The following CADPS2 variants were observed in gnomAD, a reference collection of about 807,000 sequenced individuals.
CADPS2 encodes calcium-dependent secretion activator 2.
CADPS2 carries 93 observed loss-of-function variants against 172.5 expected under a neutral mutation model. The observed-to-expected ratio is 0.54, with a 90% CI of 0.46 to 0.64. The LOEUF (loss-of-function observed/expected upper bound fraction) is 0.64, where lower values mean the gene tolerates loss of function less well. Among genes scored for constraint, CADPS2 ranks in the 30% least tolerant of loss-of-function variants. The pLI is 0.00. For synonymous variants in CADPS2, 546 were observed against 555.2 expected (o/e 0.98, Z 0.23); for missense variants, 1,420 against 1,565.9 (o/e 0.91, Z 1.57).
At chr7:122,858,443 A>G (rs2141241949) in intron 1 of CADPS2, among the ~76,000 whole-genome samples, 1 of 152,330 alleles carries the variant, frequency 6.6e-6, no homozygotes, top group South Asian at 2.1e-4. Context: ...AAGGATTTAG[A>G]GGCACAAAAG....
chr7:122,610,988 A>AT (rs1315719184), intron 6 of CADPS2, among the ~76,000 whole-genome samples: 1 of 152,150 alleles, frequency 6.6e-6, no homozygotes, highest in Non-Finnish European at 1.5e-5. Flanking sequence ...CAGAAACAAA[A>AT]TATTTTGCTG....
chr7:122,435,024 T>C (rs58891896), intron 17 of CADPS2, among the ~76,000 whole-genome samples: 6,581 of 152,220 alleles, frequency 0.043, 331 homozygotes, highest in African/African-American at 0.12. Flanking sequence ...ATCAAAAATA[T>C]TGCTGAATTT....
intron 3 of CADPS2, among the ~76,000 whole-genome samples, chr7:122,647,736 C>T (rs2078715052): frequency 6.6e-6 from 1 of 152,134 alleles, no homozygotes; most frequent in Non-Finnish European, 1.5e-5. Flanking sequence ...ACAGCCTTTT[C>T]AAAATGCTTT....
At chr7:122,538,955 TA>T (rs1161927370) in intron 8 of CADPS2, among the ~76,000 whole-genome samples, 9 of 151,996 alleles carry the variant, frequency 5.9e-5, no homozygotes, top group Non-Finnish European at 1.3e-4. Context: ...AAAGAATATA[TA>T]ACAATGAATG....
At chr7:122,859,688 T>C (rs965469236) in intron 1 of CADPS2, among the ~76,000 whole-genome samples, 1 of 152,152 alleles carries the variant, frequency 6.6e-6, no homozygotes, top group African/African-American at 2.4e-5. Flanking sequence ...CCATGGATGC[T>C]TGGGGCCCTT....
intron 6 of CADPS2, among the ~76,000 whole-genome samples, chr7:122,593,502 A>G (rs1246481994): frequency 1.3e-5 from 2 of 152,034 alleles, no homozygotes; most frequent in African/African-American, 4.8e-5. Context: ...CATGTTCCTC[A>G]TAATACATTT....
chr7:122,864,787 GCT>G (rs1817863644), intron 1 of CADPS2, among the ~76,000 whole-genome samples: 1 of 152,148 alleles, frequency 6.6e-6, no homozygotes, highest in Middle Eastern at 3.2e-3. Context: ...CCAACTTGTA[GCT>G]CTGTTATCCT....
intron 17 of CADPS2, among the ~76,000 whole-genome samples, chr7:122,433,751 T>G (rs2050277810): frequency 6.6e-6 from 1 of 152,182 alleles, no homozygotes; most frequent in Admixed American, 6.5e-5. Context: ...AAAGTATATT[T>G]CCTAGAGTTG....
intron 28 of CADPS2, among the ~76,000 whole-genome samples, chr7:122,345,052 A>T (rs889143437): frequency 1.3e-5 from 2 of 152,112 alleles, no homozygotes; most frequent in Non-Finnish European, 1.5e-5. Flanking sequence ...GCACCCCGCC[A>T]TCCCCCCGGC....
chr7:122,801,998 T>C (rs1002287870), intron 1 of CADPS2, among the ~76,000 whole-genome samples: 1 of 152,132 alleles, frequency 6.6e-6, no homozygotes, highest in Non-Finnish European at 1.5e-5. Context: ...TCTCTCATAA[T>C]AGAAAAGCTA....
intron 2 of CADPS2, 89 bp from the exon 3 acceptor site, chr7:122,663,658 A>T: frequency 1.1e-6 from 1 of 924,892 alleles, no homozygotes; most frequent in Admixed American, 2.8e-5. Context: ...ATCCAGCCAG[A>T]GTTTCTACAA....
intron 4 of CADPS2, among the ~76,000 whole-genome samples, chr7:122,624,348 A>C (rs1260403356): frequency 6.6e-6 from 1 of 152,232 alleles, no homozygotes; most frequent in Non-Finnish European, 1.5e-5. Flanking sequence ...CATGGTATAC[A>C]CAAAAACAAT....
At chr7:122,364,988 G>C (rs942484849) in intron 25 of CADPS2, among the ~76,000 whole-genome samples, 1 of 152,180 alleles carries the variant, frequency 6.6e-6, no homozygotes, top group Non-Finnish European at 1.5e-5. Flanking sequence ...TCACTTATGA[G>C]TTGGCACAGG....
At chr7:122,328,758 G>C (rs2034392028) in intron 28 of CADPS2, among the ~76,000 whole-genome samples, 1 of 152,178 alleles carries the variant, frequency 6.6e-6, no homozygotes, top group African/African-American at 2.4e-5. Flanking sequence ...GGTTGACTCT[G>C]TGAGACCCCT....
intron 19 of CADPS2, among the ~76,000 whole-genome samples, chr7:122,408,569 T>C (rs1021912896): frequency 1.3e-5 from 2 of 152,066 alleles, no homozygotes; most frequent in African/African-American, 4.8e-5. Flanking sequence ...GGACCACAGA[T>C]GTATGCCACC....
At chr7:122,769,505 T>G (rs1430195874) in intron 1 of CADPS2, among the ~76,000 whole-genome samples, 1 of 152,172 alleles carries the variant, frequency 6.6e-6, no homozygotes, top group Non-Finnish European at 1.5e-5. Context: ...CAATGAAGAA[T>G]GACAGCCAAG....
Position 122,587,878 on chromosome 7 carries a change from G to A in CADPS2, c.1224-6588C>T, listed in dbSNP as rs544834780. Among the ~76,000 whole-genome samples, 7 of 152,172 alleles carry A rather than the reference G, an allele frequency of 4.6e-5. No homozygotes were observed. The South Asian group carries it at 1.0e-3, about 23-fold the overall frequency. On this transcript the variant is annotated intron_variant, in intron 6 of 29. Coordinates refer to ENST00000449022, the MANE Select transcript of CADPS2 (RefSeq NM_017954.11). ...CTCTGCAACCTTGCTAACATCTGTT[G>A]TTTCTTGACTTTTTAATAATCACCA...
chr7:122,784,966 T>C (rs957377436), intron 1 of CADPS2, among the ~76,000 whole-genome samples: 7 of 152,198 alleles, frequency 4.6e-5, no homozygotes, highest in Non-Finnish European at 1.0e-4. Context: ...TTCAGGTCCC[T>C]GGAATCAAAT....
chr7:122,617,839 C>T (rs958528898), intron 5 of CADPS2, among the ~76,000 whole-genome samples: 7 of 152,060 alleles, frequency 4.6e-5, no homozygotes, highest in African/African-American at 1.2e-4. Flanking sequence ...CTCAGGAGAT[C>T]GAGACCATCC....
Sources: gnomAD v4.1 joint callset for allele counts (sites outside exome capture counted in the v4.1 genomes callset) on GRCh38, gnomAD v4.1.1 for gene constraint, MANE v1.5 for transcripts, NCBI Gene and HGNC (gene_info 2026-07-23, HGNC 2026-07-21) for gene names.